Variants in CAPN13 observed in about 807,000 individuals in gnomAD.
The protein encoded by CAPN13 is calpain 13.
A neutral mutation model predicts 98.4 loss-of-function variants in CAPN13; 90 were observed. The ratio of observed to expected loss-of-function variants is 0.92; its 90% confidence interval spans 0.77 to 1.09. The LOEUF is 1.09. Ranked by LOEUF, CAPN13 falls within the 50% of genes least tolerant of loss-of-function variation. The pLI, the probability that CAPN13 is intolerant of heterozygous loss-of-function variation, is 0.00. For missense variants in CAPN13, 887 were observed against 841.3 expected, an observed-to-expected ratio of 1.05 and a Z score of -0.67; for synonymous variants, 330 against 305.5, an observed-to-expected ratio of 1.08 and a Z score of -0.84.
At chr2:30,776,092 A>T (rs374215698) in intron 3 of CAPN13, 47 bp from the exon 4 acceptor site, 7 of 1,278,920 alleles carry the variant, frequency 5.5e-6, no homozygotes, top group Non-Finnish European at 6.7e-6. Flanking sequence ...CACACTTGGA[A>T]ACCCTCCCCC....
Position 30,770,402 on chromosome 2 carries a change from T to C in CAPN13, c.435A>G (p.Leu145=). 1.9e-6 allele frequency: 3 copies of C among 1,613,934 alleles called. No individual in the cohort carries two copies. The highest frequency in any genetic ancestry group is 1.1e-5 in the South Asian group (1 of 91,074). The change falls in exon 5 of 23, where the codon CTA becomes CTG. Residue 145 remains leucine (L), a synonymous_variant. Transcript: ENST00000295055. Reference sequence around the variant, plus strand: ...AGAGGCATTTATCTCCCTGGACAGGTAGGCGGTCATCAATCACCACTTCCA... The same window carrying C: ...AGAGGCATTTATCTCCCTGGACAGGCAGGCGGTCATCAATCACCACTTCCA... ...QWVEVVIDDR[L]PVQGDKCLFV...
chr2:30,786,984 A>AG, intron 2 of CAPN13, 144 bp downstream of exon 2: 1 of 648,056 alleles, frequency 1.5e-6, no homozygotes, highest in Non-Finnish European at 2.6e-6. Context: ...CCTGCTGAGT[A>AG]GCTACAACAC....
At chr2:30,755,153 T>A (rs1028822359) in intron 8 of CAPN13, among the ~76,000 whole-genome samples, 2 of 151,400 alleles carry the variant, frequency 1.3e-5, no homozygotes, top group Middle Eastern at 6.8e-3. Context: ...TTCACCCTGA[T>A]GCTCCCCCTG....
At chr2:30,758,336 G>A (rs1421805566) in intron 7 of CAPN13, among the ~76,000 whole-genome samples, 199 bp from the exon 8 acceptor site, 1 of 152,218 alleles carries the variant, frequency 6.6e-6, no homozygotes, top group Non-Finnish European at 1.5e-5. Context: ...AGATAGACAA[G>A]GAAATGGCCC....
intron 15 of CAPN13, among the ~76,000 whole-genome samples, chr2:30,739,167 AT>A (rs1671529554): frequency 6.6e-6 from 1 of 152,104 alleles, no homozygotes; most frequent in African/African-American, 2.4e-5. Context: ...TTTGATGACA[AT>A]TTCACAGAGA....
intron 18 of CAPN13, among the ~76,000 whole-genome samples, chr2:30,735,785 T>G (rs557064859): frequency 6.6e-6 from 1 of 152,374 alleles, no homozygotes; most frequent in East Asian, 1.9e-4. Context: ...TTGATGTATT[T>G]ATTGGCATTT....
At chr2:30,792,648 A>C (rs972505562) in intron 1 of CAPN13, among the ~76,000 whole-genome samples, 2 of 152,066 alleles carry the variant, frequency 1.3e-5, no homozygotes, top group African/African-American at 4.8e-5. Flanking sequence ...GAGTAACACT[A>C]ATCTTACGTG....
chr2:30,743,777 C>A, intron 12 of CAPN13, 198 bp from the exon 13 acceptor site: 2 of 690,020 alleles, frequency 2.9e-6, no homozygotes, highest in South Asian at 1.5e-5. Flanking sequence ...AGACCCTGGA[C>A]ACAATGGATG....
chr2:30,729,009 T>TG lies in CAPN13; in HGVS notation c.*30+1720dup, dbSNP rs1482457848. ...AATTTAAAAGATACACATTTTTAAA[T>TG]GGGAGTTAAATGACTCCAGAAGACA... On this transcript the variant is annotated intron_variant, in intron 22 of 22. Transcript: ENST00000295055. 2.6e-5 allele frequency among the ~76,000 whole-genome samples: 4 copies of TG among 152,210 alleles called. No homozygotes were observed. In the South Asian group the frequency reaches 8.3e-4, roughly 32 times the overall value.
chr2:30,742,509 A>G, intron 13 of CAPN13, 150 bp from the exon 14 acceptor site: 2 of 807,264 alleles, frequency 2.5e-6, no homozygotes, highest in African/African-American at 1.7e-5. Context: ...GTGAGCAGCT[A>G]CAGCACCGTG....
intron 10 of CAPN13, 59 bp downstream of exon 10, chr2:30,752,994 G>A: frequency 6.3e-7 from 1 of 1,589,518 alleles, no homozygotes; most frequent in Admixed American, 1.7e-5. Context: ...GCCATGCAAG[G>A]GCTGGGCTGG....
At chr2:30,784,664 A>C (rs1423742242) in intron 2 of CAPN13, among the ~76,000 whole-genome samples, 2 of 152,184 alleles carry the variant, frequency 1.3e-5, no homozygotes, top group Admixed American at 6.5e-5. Context: ...GAGGCCTTAC[A>C]AGGGTCATGT....
chr2:30,771,030 C>T (rs918886994), intron 4 of CAPN13, among the ~76,000 whole-genome samples: 1 of 152,216 alleles, frequency 6.6e-6, no homozygotes, highest in East Asian at 1.9e-4. Context: ...TCTGGCCCCC[C>T]TCTTCTTCCA....
Position 30,754,427 on chromosome 2 carries a change from T to C in CAPN13, c.867-63A>G, listed in dbSNP as rs149631944. 8.2e-4 allele frequency: 1,153 copies of C among 1,413,512 alleles called. 8 individuals are homozygous for C. The African/African-American group carries it at 0.015, about 18-fold the overall frequency. The allele number at this position is 1,413,512 out of a possible 1,614,324, so 87.6% of individuals were successfully genotyped here. On this transcript the variant is annotated intron_variant, in intron 8 of 22. Transcript: ENST00000295055. ...CAGTGCATTTTTTCTCAACCATGTGTGGGTCAACAGGGACCCTCTGTACAT... is the reference window on the plus strand; with the variant it reads ...CAGTGCATTTTTTCTCAACCATGTGCGGGTCAACAGGGACCCTCTGTACAT...
rs1572799707 is a variant in CAPN13, at chr2:30,742,410, G to C, written c.1446-51C>G. On this transcript the variant is annotated intron_variant, in intron 13 of 22. Transcript: ENST00000295055. Reference sequence around the variant, plus strand: ...AAAGATGACCAGCTCACCACTCAAAGGGGGCCTGCATATAGAGGGCACCCA... The same window carrying C: ...AAAGATGACCAGCTCACCACTCAAACGGGGCCTGCATATAGAGGGCACCCA... 1.9e-6 allele frequency: 3 copies of C among 1,580,712 alleles called. No individual in the cohort carries two copies. In the East Asian group the frequency reaches 6.9e-5, roughly 36 times the overall value.
chr2:30,759,925 A>C (rs1295880417), intron 7 of CAPN13, among the ~76,000 whole-genome samples: 1 of 152,108 alleles, frequency 6.6e-6, no homozygotes, highest in African/African-American at 2.4e-5. Context: ...GGCTCGGATA[A>C]GGCTCTTTTC....
chr2:30,775,044 C>T (rs1673612441), intron 4 of CAPN13, among the ~76,000 whole-genome samples: 1 of 152,014 alleles, frequency 6.6e-6, no homozygotes, highest in African/African-American at 2.4e-5. Flanking sequence ...AGAAGTTCTG[C>T]AAATATTAAA....
At chr2:30,761,697 G>A (rs972664119) in intron 7 of CAPN13, among the ~76,000 whole-genome samples, 22 of 152,208 alleles carry the variant, frequency 1.4e-4, no homozygotes, top group African/African-American at 5.1e-4. Flanking sequence ...CTCTTTCCAT[G>A]AATCTGGAAG....
chr2:30,771,540 T>C (rs1673412144), intron 4 of CAPN13, among the ~76,000 whole-genome samples: 1 of 152,232 alleles, frequency 6.6e-6, no homozygotes, highest in Admixed American at 6.5e-5. Context: ...CTTGTGTTCC[T>C]ATTGCAGTGA....
Sources: allele counts gnomAD v4.1 joint callset (sites outside exome capture counted in the v4.1 genomes callset), GRCh38; gene constraint gnomAD v4.1.1; transcripts MANE v1.5; gene names NCBI Gene and HGNC (gene_info 2026-07-23, HGNC 2026-07-21).